Variants in NNT observed in about 807,000 individuals in gnomAD.
The protein encoded by NNT is NAD(P) transhydrogenase, mitochondrial.
NNT carries 50 observed loss-of-function variants against 104.8 expected under a neutral mutation model. The ratio of observed to expected loss-of-function variants is 0.48; its 90% confidence interval spans 0.38 to 0.60. The LOEUF (loss-of-function observed/expected upper bound fraction) is 0.60, where lower values mean the gene tolerates loss of function less well. Among genes scored for constraint, NNT ranks in the 20% least tolerant of loss-of-function variants. The pLI is 0.00. For synonymous variants in NNT, 461 were observed against 490.4 expected (o/e 0.94, Z 0.79); for missense variants, 1,131 against 1,330.7 (o/e 0.85, Z 2.33).
Position 43,655,064 on chromosome 5 carries a change from C to A in NNT, c.2060-776C>A, listed in dbSNP as rs374674197. 2.0e-5 allele frequency among the ~76,000 whole-genome samples: 3 copies of A among 152,306 alleles called. No individual in the cohort carries two copies. The South Asian group carries it at 6.2e-4, about 32-fold the overall frequency. Reference sequence around the variant, plus strand: ...ATTTTTGCATTTCTTTACCTTGGGACTTTGCTCCCACCTACCCACCTGAAA... The same window carrying A: ...ATTTTTGCATTTCTTTACCTTGGGAATTTGCTCCCACCTACCCACCTGAAA... On this transcript the variant is annotated intron_variant, in intron 14 of 21. Coordinates refer to ENST00000344920, the MANE Select transcript of NNT (RefSeq NM_182977.3).
rs79876759 is a variant in NNT at position 43,691,926 on chromosome 5, A to G, written c.2877-8193A>G. On this transcript the variant is annotated intron_variant, in intron 19 of 21. Transcript: ENST00000344920. ...TTGTCAGTACCTGTGTCTACCAAACAGTGCATTAAAATACATATTAATAAA... is the reference window on the plus strand; with the variant it reads ...TTGTCAGTACCTGTGTCTACCAAACGGTGCATTAAAATACATATTAATAAA... Among the ~76,000 whole-genome samples the G allele has an allele frequency of 4.1e-3, 619 of 152,336 alleles. 1 individual carries two copies. Among genetic ancestry groups the G allele is most frequent in the Middle Eastern group, 0.01 (3 of 294 alleles).
chr5:43,681,277 AAAAG>A (rs1169514245), intron 19 of NNT, among the ~76,000 whole-genome samples: 7 of 151,968 alleles, frequency 4.6e-5, no homozygotes, highest in East Asian at 1.9e-4. Flanking sequence ...AAAAAAAAAA[AAAAG>A]AAAGGGGTAG....
intron 9 of NNT, 67 bp from the exon 10 acceptor site, chr5:43,645,290 A>T: frequency 9.6e-7 from 1 of 1,046,060 alleles, no homozygotes; most frequent in African/African-American, 1.7e-5. Flanking sequence ...AAAATAGTAT[A>T]TTCCTTAAGC....
Position 43,681,259 on chromosome 5 carries a change from CAAAAAAAAAAA to C in NNT, c.2876+3464_2876+3474del, listed in dbSNP as rs559273026. Among the ~76,000 whole-genome samples the C allele has an allele frequency of 5.6e-3, 326 of 58,732 alleles. 1 individual carries two copies. The highest frequency in any genetic ancestry group is 0.016 in the African/African-American group (310 of 18,968). The allele number at this position is 58,732 out of a possible 152,430, so 38.5% of individuals were successfully genotyped here. On this transcript the variant is annotated intron_variant, in intron 19 of 21. Transcript: ENST00000344920. ...TGGGTGACAGAGCGAGGCTCCTTCT[CAAAAAAAAAAA>C]AAAAAAAAAAGAAAGGGGTAGAATT...
chr5:43,694,322 A>C (rs909936720), intron 19 of NNT, among the ~76,000 whole-genome samples: 2 of 152,152 alleles, frequency 1.3e-5, no homozygotes, highest in Admixed American at 1.3e-4. Flanking sequence ...TGTGTTGACT[A>C]GGAGTGGTGA....
chr5:43,659,527 A>G (rs904311229), intron 17 of NNT, among the ~76,000 whole-genome samples, 177 bp downstream of exon 17: 1 of 152,118 alleles, frequency 6.6e-6, no homozygotes, highest in Non-Finnish European at 1.5e-5. Context: ...TCAGGAGTTC[A>G]AGACCAGCCT....
intron 13 of NNT, among the ~76,000 whole-genome samples, chr5:43,652,293 T>A (rs1287292444): frequency 6.6e-6 from 1 of 152,186 alleles, no homozygotes; most frequent in Non-Finnish European, 1.5e-5. Context: ...CAGCACATCA[T>A]CTCTTGCTAC....
At chr5:43,604,129 C>T (rs932035310) in intron 1 of NNT, among the ~76,000 whole-genome samples, 53 of 152,190 alleles carry the variant, frequency 3.5e-4, no homozygotes, top group Admixed American at 1.4e-3. Flanking sequence ...CCGAAGCTGG[C>T]TCAGTAGGGT....
At chr5:43,612,766 C>T (rs1290181876) in intron 2 of NNT, 142 bp from the exon 3 acceptor site, 1 of 604,032 alleles carries the variant, frequency 1.7e-6, no homozygotes, top group African/African-American at 1.9e-5. Context: ...GAATCAGGAA[C>T]ATCATTCTGA....
Position 43,659,337 on chromosome 5 carries a change from A to G in NNT, c.2621A>G (p.Tyr874Cys), listed in dbSNP as rs112690763. 1 of 1,609,654 alleles carries G rather than the reference A, an allele frequency of 6.2e-7. No homozygotes were observed. Among genetic ancestry groups the G allele is most frequent in the Non-Finnish European group, 8.5e-7 (1 of 1,178,628 alleles). The change falls in exon 17 of 22, where the codon TAC (tyrosine) becomes TGC (cysteine). Residue 874 changes from tyrosine to cysteine, a missense_variant. By Grantham distance (194) the Tyr-to-Cys change is radical. Coordinates refer to ENST00000344920, the MANE Select transcript of NNT (RefSeq NM_182977.3). ...LIGSSGAILS[Y>C]IMCVAMNRSL... is the part of the protein sequence containing the mutation. ...GGCTCGTCTGGTGCTATCCTGTCAT[A>G]CATCATGTGTGTGGTAAGAAACAAC...
At chr5:43,700,380 T>G (rs1174673772) in intron 20 of NNT, 143 bp downstream of exon 20, 1 of 571,820 alleles carries the variant, frequency 1.7e-6, no homozygotes, top group Non-Finnish European at 3.1e-6. Flanking sequence ...TAAGTTGAAA[T>G]TAAATAAGTG....
rs551166845 is a variant in NNT at position 43,672,221 on chromosome 5, G to A, written c.2635-3290G>A. On this transcript the variant is annotated intron_variant, in intron 17 of 21. Transcript: ENST00000344920. ...TTCAAGGTTTTTAGCTTTTTGTGAT[G>A]GGTTCAAACTTCCTCCTTTAGCTTG... 9.7e-4 allele frequency among the ~76,000 whole-genome samples: 148 copies of A among 152,118 alleles called. 2 individuals are homozygous for A. In the South Asian group the frequency reaches 0.02, roughly 21 times the overall value.
In NNT at chr5:43,649,201, A is replaced by T; in HGVS notation, c.1499A>T (p.Gln500Leu). 6.2e-7 allele frequency: 1 copy of T among 1,614,168 alleles called. No individual in the cohort carries two copies. The highest frequency in any genetic ancestry group is 8.5e-7 in the Non-Finnish European group (1 of 1,179,998). Residue 500 changes from glutamine to leucine, a missense_variant, in exon 11 of 22, where the codon CAG becomes CTG. Transcript: ENST00000344920. ...GIAAPNLAFS[Q>L]MVTTFGLAGI... ...GCGGCTCCCAATCTAGCCTTTTCTC[A>T]GATGGTGACCACTTTTGGCTTGGCT...
At chr5:43,648,352 T>C (rs914261945) in intron 10 of NNT, 1 of 461,454 alleles carries the variant, frequency 2.2e-6, no homozygotes, top group African/African-American at 2.1e-5. Flanking sequence ...CACTGTCATT[T>C]TCTTTTTACT....
In NNT at chr5:43,688,821, A is replaced by G. The variant is rs7709284; in HGVS notation, c.2876+11015A>G. Among the ~76,000 whole-genome samples the G allele has an allele frequency of 9.7e-3, 1,472 of 152,212 alleles. 20 individuals are homozygous for G. Among genetic ancestry groups the G allele is most frequent in the African/African-American group, 0.034 (1,414 of 41,526 alleles). ...TGATGGGCATTTGGGCTGGTTCCAT[A>G]TTTTTGCAATCGCAAATTGTGCTGC... On this transcript the variant is annotated intron_variant, in intron 19 of 21. Coordinates refer to ENST00000344920, the MANE Select transcript of NNT (RefSeq NM_182977.3).
rs1749379407 is a variant in NNT, at chr5:43,609,244, C to A, written c.49C>A (p.Leu17Ile). 1 of 1,613,968 alleles carries A rather than the reference C, an allele frequency of 6.2e-7. No homozygotes were observed. Among genetic ancestry groups the A allele is most frequent in the Non-Finnish European group, 8.5e-7 (1 of 1,179,918 alleles). Residue 17 changes from leucine to isoleucine, a missense_variant, in exon 2 of 22, where the codon CTT becomes ATT. Transcript: ENST00000344920. ...TVVTGCSCPL[L>I]SNLGSCKGLR... The stretch of plus-strand genomic sequence containing the variant: ...GGTGACTGGCTGCTCGTGTCCTCTA[C>A]TTAGCAATTTGGGGTCCTGTAAGGG...
At chr5:43,675,473 T>C in intron 17 of NNT, 38 bp from the exon 18 acceptor site, 1 of 1,571,520 alleles carries the variant, frequency 6.4e-7, no homozygotes, top group East Asian at 2.3e-5. Flanking sequence ...CAAAGTTATG[T>C]GTGTTAAACT....
rs920266957 is a variant in NNT at position 43,605,344 on chromosome 5, G to A, written c.-54+2050G>A. ...ATCCTGGCTAACAAGGTGAAACCCC[G>A]TCTCTACTAAAAATACAAAAAATTA... On this transcript the variant is annotated intron_variant, in intron 1 of 21. Transcript: ENST00000344920. Among the ~76,000 whole-genome samples the A allele has an allele frequency of 3.7e-4, 55 of 150,416 alleles. 1 individual carries two copies. Among genetic ancestry groups the A allele is most frequent in the African/African-American group, 1.3e-3 (54 of 40,902 alleles).
At chr5:43,637,854 A>T (rs1751016758) in intron 7 of NNT, among the ~76,000 whole-genome samples, 1 of 152,180 alleles carries the variant, frequency 6.6e-6, no homozygotes. Flanking sequence ...CTCGGCTTAC[A>T]CCTGGATTTC....
Sources: gnomAD v4.1 joint callset for allele counts (sites outside exome capture counted in the v4.1 genomes callset) on GRCh38, gnomAD v4.1.1 for gene constraint, MANE v1.5 for transcripts, NCBI Gene and HGNC (gene_info 2026-07-23, HGNC 2026-07-21) for gene names.